FARP2: variants seen among roughly 807,000 people sequenced by gnomAD.
FARP2 encodes FERM, ARHGEF and pleckstrin domain-containing protein 2.
A neutral mutation model predicts 130.5 loss-of-function variants in FARP2; 111 were observed. The ratio of observed to expected loss-of-function variants is 0.85; its 90% CI spans 0.73 to 1.00. FARP2 has a LOEUF of 1.00. Among genes scored for constraint, FARP2 ranks in the 50% least tolerant of loss-of-function variants. The pLI, the probability that FARP2 is intolerant of heterozygous loss-of-function variation, is 0.00. For missense variants in FARP2, 1,385 were observed against 1,346.3 expected (o/e 1.03, Z -0.45); for synonymous variants, 504 against 516.9 (o/e 0.98, Z 0.34).
intron 1 of FARP2, among the ~76,000 whole-genome samples, chr2:241,366,100 A>AT (rs1553705591): frequency 0.031 from 280 of 9,138 alleles, 3 homozygotes; most frequent in African/African-American, 0.039. Context: ...ACTAAAAAAA[A>AT]AAAAATATAT....
intron 13 of FARP2, chr2:241,442,807 T>C (rs370745594): frequency 3.5e-6 from 1 of 284,964 alleles, no homozygotes; most frequent in African/African-American, 2.2e-5. Flanking sequence ...TTTATGTTTT[T>C]TGCCATATGC....
At chr2:241,398,373 A>G (rs976528672) in intron 2 of FARP2, among the ~76,000 whole-genome samples, 2 of 152,182 alleles carry the variant, frequency 1.3e-5, no homozygotes, top group Non-Finnish European at 2.9e-5. Flanking sequence ...GTATGTATAT[A>G]TTTATCAGGT....
intron 13 of FARP2, among the ~76,000 whole-genome samples, chr2:241,448,917 C>A (rs2063577137): frequency 6.6e-6 from 1 of 152,236 alleles, no homozygotes; most frequent in African/African-American, 2.4e-5. Flanking sequence ...ACGTCCTGTC[C>A]TGTGGGCAGT....
At chr2:241,391,992 G>A (rs2061917163) in intron 2 of FARP2, among the ~76,000 whole-genome samples, 1 of 152,166 alleles carries the variant, frequency 6.6e-6, no homozygotes, top group Non-Finnish European at 1.5e-5. Context: ...CAGGAGATAT[G>A]GTGAGCAGCT....
intron 1 of FARP2, among the ~76,000 whole-genome samples, chr2:241,371,667 GATAAA>G (rs1256137749): frequency 6.6e-6 from 1 of 152,126 alleles, no homozygotes; most frequent in Admixed American, 6.6e-5. Flanking sequence ...GATTGGGTGA[GATAAA>G]ATAATGCGTG....
chr2:241,364,554 C>T (rs1435026714), intron 1 of FARP2, among the ~76,000 whole-genome samples: 1 of 152,150 alleles, frequency 6.6e-6, no homozygotes, highest in Admixed American at 6.5e-5. Context: ...ATAAATAAAA[C>T]TTTATAAAGC....
At chr2:241,363,094 C>T (rs553601632) in intron 1 of FARP2, among the ~76,000 whole-genome samples, 1 of 152,360 alleles carries the variant, frequency 6.6e-6, no homozygotes, top group South Asian at 2.1e-4. Context: ...CACCACTTTG[C>T]ACCAGTAGTG....
intron 4 of FARP2, among the ~76,000 whole-genome samples, chr2:241,406,149 A>T (rs2062337096): frequency 6.6e-6 from 1 of 151,268 alleles, no homozygotes; most frequent in Admixed American, 6.6e-5. Flanking sequence ...TAAAAATATA[A>T]ATTAGCCGGG....
In FARP2 at chr2:241,388,123, A is replaced by G. The variant is rs114024130; in HGVS notation, c.183+14833A>G. On this transcript the variant is annotated intron_variant, in intron 2 of 26. Coordinates refer to ENST00000264042, the MANE Select transcript of FARP2 (RefSeq NM_014808.4). ...GATAGCCAAAAACCTAAAATAGCCA[A>G]AAACAATCTCAGAAAAGAAAAAAGT... is the stretch of plus-strand genomic sequence containing the variant. 1.2e-3 allele frequency among the ~76,000 whole-genome samples: 179 copies of G among 152,358 alleles called. 1 individual carries two copies. Among genetic ancestry groups the G allele is most frequent in the African/African-American group, 3.9e-3 (162 of 41,592 alleles).
intron 2 of FARP2, among the ~76,000 whole-genome samples, chr2:241,381,085 G>A (rs2061651235): frequency 6.6e-6 from 1 of 152,150 alleles, no homozygotes; most frequent in African/African-American, 2.4e-5. Context: ...GCCCATCCTA[G>A]GGGATTGCCT....
intron 14 of FARP2, among the ~76,000 whole-genome samples, chr2:241,457,483 G>A (rs111366668): frequency 0.031 from 2,949 of 95,984 alleles, 13 homozygotes; most frequent in East Asian, 0.094. Flanking sequence ...TTTGGGTTCC[G>A]GAGAGGCTCT....
intron 1 of FARP2, 80 bp from the exon 2 acceptor site, chr2:241,373,004 G>A (rs867965799): frequency 1.1e-5 from 8 of 698,874 alleles, no homozygotes; most frequent in Middle Eastern, 4.6e-4. Context: ...CCGTGTCTCC[G>A]ATAATTTGTC....
intron 8 of FARP2, among the ~76,000 whole-genome samples, chr2:241,424,086 C>G (rs1207723292): frequency 6.6e-6 from 1 of 152,118 alleles, no homozygotes; most frequent in African/African-American, 2.4e-5. Flanking sequence ...TATTCAGGAC[C>G]TGAACTCAGC....
intron 13 of FARP2, chr2:241,442,353 C>G (rs552725406): frequency 6.6e-6 from 3 of 456,676 alleles, no homozygotes; most frequent in Non-Finnish European, 1.3e-5. Context: ...CCACGACGGC[C>G]GAGGACTCCA....
chr2:241,408,660 G>A (rs1250687099), intron 5 of FARP2, among the ~76,000 whole-genome samples: 2 of 151,958 alleles, frequency 1.3e-5, no homozygotes, highest in Non-Finnish European at 2.9e-5. Flanking sequence ...AAGAATAGAG[G>A]AATAACCTAA....
chr2:241,360,712 G>A (rs986324096), intron 1 of FARP2, among the ~76,000 whole-genome samples: 3 of 151,048 alleles, frequency 2.0e-5, no homozygotes, highest in South Asian at 2.1e-4. Flanking sequence ...GAATGAGAAC[G>A]TAACAAATTT....
chr2:241,385,511 C>T (rs2061763324), intron 2 of FARP2, among the ~76,000 whole-genome samples: 1 of 152,114 alleles, frequency 6.6e-6, no homozygotes, highest in Non-Finnish European at 1.5e-5. Flanking sequence ...CATTTGAGCT[C>T]AGGAGCTCGA....
At chr2:241,389,936 G>C (rs886981353) in intron 2 of FARP2, among the ~76,000 whole-genome samples, 1 of 152,102 alleles carries the variant, frequency 6.6e-6, no homozygotes, top group African/African-American at 2.4e-5. Context: ...TGGTATGTGG[G>C]TTTGGATGTG....
At chr2:241,381,674 A>G (rs150758015) in intron 2 of FARP2, among the ~76,000 whole-genome samples, 34 of 152,342 alleles carry the variant, frequency 2.2e-4, no homozygotes, top group African/African-American at 7.9e-4. Context: ...AGTAGTCATG[A>G]ATCTCCAGAG....
Sources: allele counts gnomAD v4.1 joint callset (sites outside exome capture counted in the v4.1 genomes callset), GRCh38; gene constraint gnomAD v4.1.1; transcripts MANE v1.5; gene names NCBI Gene and HGNC (gene_info 2026-07-23, HGNC 2026-07-21).